PCNX2: variants seen among roughly 807,000 people sequenced by gnomAD.
PCNX2 encodes the protein pecanex 2.
PCNX2 carries 168 observed loss-of-function variants against 223.8 expected under a neutral mutation model. That is an observed-to-expected ratio of 0.75 (90% CI 0.66 to 0.85). PCNX2 has a LOEUF of 0.85. Among genes scored for constraint, PCNX2 ranks in the 40% least tolerant of loss-of-function variants. The pLI, the probability that PCNX2 is intolerant of heterozygous loss-of-function variation, is 0.00. For missense variants in PCNX2, 2,507 were observed against 2,675.5 expected, an observed-to-expected ratio of 0.94 and a Z score of 1.39; for synonymous variants, 1,006 against 1,052.6, an observed-to-expected ratio of 0.96 and a Z score of 0.86.
At chr1:233,318,199 C>G in the PCNX2 span, among the ~76,000 whole-genome samples, 2 of 152,134 alleles carry the variant, frequency 1.3e-5, no homozygotes, top group African/African-American at 4.8e-5. Flanking sequence ...TGTTTTACCT[C>G]TAGAAATGGA....
chr1:233,070,340 A>C (rs978731938), intron 23 of PCNX2, among the ~76,000 whole-genome samples: 4 of 152,154 alleles, frequency 2.6e-5, no homozygotes, highest in Non-Finnish European at 4.4e-5. Flanking sequence ...TAGGAGGAAG[A>C]GACACTTTCC....
At chr1:233,131,521 C>T (rs1294599933) in intron 21 of PCNX2, among the ~76,000 whole-genome samples, 1 of 152,072 alleles carries the variant, frequency 6.6e-6, no homozygotes, top group Non-Finnish European at 1.5e-5. Context: ...TGGCTTTTTT[C>T]CAGGAAAATC....
intron 21 of PCNX2, chr1:233,112,795 T>A: frequency 8.2e-7 from 1 of 1,213,110 alleles, no homozygotes; most frequent in Admixed American, 3.3e-5. Flanking sequence ...ATTTTAAGTC[T>A]TACATGCTAG....
At chr1:233,083,457 C>G (rs570273677) in intron 23 of PCNX2, among the ~76,000 whole-genome samples, 1 of 152,090 alleles carries the variant, frequency 6.6e-6, no homozygotes, top group Admixed American at 6.6e-5. Flanking sequence ...CAGGGGCTGC[C>G]GAGCAAGGCA....
chr1:233,274,351 A>G (rs1209495344), intron 1 of PCNX2, among the ~76,000 whole-genome samples: 6 of 152,172 alleles, frequency 3.9e-5, no homozygotes, highest in Admixed American at 1.3e-4. Context: ...GTTTCTACAT[A>G]CTAGGTGTAG....
intron 17 of PCNX2, among the ~76,000 whole-genome samples, chr1:233,171,079 C>T (rs1170633053): frequency 1.3e-5 from 2 of 152,144 alleles, no homozygotes; most frequent in Admixed American, 6.5e-5. Context: ...TTGGACATTA[C>T]GAAGACCTCT....
intron 21 of PCNX2, among the ~76,000 whole-genome samples, chr1:233,111,477 T>C (rs1675112606): frequency 6.6e-6 from 1 of 152,150 alleles, no homozygotes; most frequent in South Asian, 2.1e-4. Context: ...GGCATAATCA[T>C]GGCTCACTGC....
At chr1:233,141,773 ATGTGTGTG>A (rs34145635) in intron 19 of PCNX2, among the ~76,000 whole-genome samples, 84 of 146,282 alleles carry the variant, frequency 5.7e-4, no homozygotes, top group African/African-American at 2.1e-3. Flanking sequence ...GTATATGTAT[ATGTGTGTG>A]TGTGTGTGTG....
At chr1:233,302,163 C>T in the PCNX2 span, among the ~76,000 whole-genome samples, 1 of 152,088 alleles carries the variant, frequency 6.6e-6, no homozygotes. Flanking sequence ...CACAAAACAG[C>T]AGGCCTAGAG....
At chr1:233,175,978 C>T (rs1481073384) in intron 17 of PCNX2, among the ~76,000 whole-genome samples, 2 of 152,198 alleles carry the variant, frequency 1.3e-5, no homozygotes, top group African/African-American at 4.8e-5. Context: ...TTAAATTCAT[C>T]GAAATTCCAT....
chr1:233,270,863 G>A (rs1033998314), intron 1 of PCNX2, among the ~76,000 whole-genome samples: 1 of 152,108 alleles, frequency 6.6e-6, no homozygotes, highest in Non-Finnish European at 1.5e-5. Flanking sequence ...ACAGCCAAAG[G>A]TTAGAAAGTT....
chr1:233,196,750 G>C (rs998911413), intron 15 of PCNX2, among the ~76,000 whole-genome samples: 1 of 152,170 alleles, frequency 6.6e-6, no homozygotes, highest in South Asian at 2.1e-4. Flanking sequence ...GATTATGTGA[G>C]GGTAGGGAAA....
chr1:233,048,181 A>T (rs4649430), intron 25 of PCNX2, among the ~76,000 whole-genome samples: 2 of 152,248 alleles, frequency 1.3e-5, no homozygotes, highest in African/African-American at 4.8e-5. Context: ...AACAGGCTGC[A>T]CATGGTGGCT....
the PCNX2 span, among the ~76,000 whole-genome samples, chr1:233,302,763 T>C: frequency 6.6e-6 from 1 of 152,094 alleles, no homozygotes; most frequent in Non-Finnish European, 1.5e-5. Context: ...TAATTTCCAT[T>C]AGGATTCCTT....
At chr1:233,112,807 C>T (rs1675189938) in intron 21 of PCNX2, 1 of 1,243,480 alleles carries the variant, frequency 8.0e-7, no homozygotes, top group Non-Finnish European at 1.0e-6. Context: ...ACATGCTAGG[C>T]TTGATGTCCC....
intron 21 of PCNX2, among the ~76,000 whole-genome samples, chr1:233,102,189 A>G (rs1000214073): frequency 6.7e-6 from 1 of 149,020 alleles, no homozygotes; most frequent in African/African-American, 2.5e-5. Flanking sequence ...AGTTCCAATC[A>G]TGTTGTTGCA....
At chr1:233,208,215 T>A (rs1681597531) in intron 13 of PCNX2, among the ~76,000 whole-genome samples, 1 of 152,178 alleles carries the variant, frequency 6.6e-6, no homozygotes, top group South Asian at 2.1e-4. Context: ...GGCCTCGGCC[T>A]CCCGAAGTGC....
chr1:233,051,340 C>T (rs570081389), intron 25 of PCNX2, among the ~76,000 whole-genome samples: 93 of 152,152 alleles, frequency 6.1e-4, no homozygotes, highest in African/African-American at 2.0e-3. Flanking sequence ...ATCCCATTAC[C>T]GGGTATATAT....
chr1:233,240,227 A>G (rs149692306), intron 8 of PCNX2, among the ~76,000 whole-genome samples: 222 of 152,352 alleles, frequency 1.5e-3, no homozygotes, highest in Non-Finnish European at 2.4e-3. Context: ...GATGATGTCC[A>G]CAAAAATCAC....
Sources: allele counts gnomAD v4.1 joint callset (sites outside exome capture counted in the v4.1 genomes callset), GRCh38; gene constraint gnomAD v4.1.1; transcripts MANE v1.5; gene names NCBI Gene and HGNC (gene_info 2026-07-23, HGNC 2026-07-21).